Variants in DUS4L observed in about 807,000 individuals in gnomAD.
DUS4L encodes dihydrouridine synthase 4 like.
A neutral mutation model predicts 33.8 loss-of-function variants in DUS4L; 31 were observed. That is an observed-to-expected ratio of 0.92 (90% CI 0.69 to 1.24). The LOEUF is 1.24. Among genes scored for constraint, DUS4L ranks in the 50% most tolerant of loss-of-function variants. DUS4L has a pLI of 0.00. For synonymous variants in DUS4L, 103 were observed against 120.3 expected (o/e 0.86, Z 0.94); for missense variants, 368 against 388.6 (o/e 0.95, Z 0.45).
intron 3 of DUS4L, among the ~76,000 whole-genome samples, chr7:107,567,456 A>G (rs894555370): frequency 5.1e-4 from 77 of 152,282 alleles, no homozygotes; most frequent in Non-Finnish European, 1.0e-3. Context: ...GATATTAAAT[A>G]GATATAAGTA....
chr7:107,576,788 A>G (rs1805796796), intron 7 of DUS4L, 196 bp downstream of exon 7: 1 of 523,502 alleles, frequency 1.9e-6, no homozygotes, highest in Non-Finnish European at 3.2e-6. Flanking sequence ...TAACTGGGAT[A>G]AATTAATTCA....
chr7:107,577,566 C>G lies in DUS4L; in HGVS notation c.*6C>G. ...CAGACCATTATGGCATTTGACTAGACTTCCCAAATAATTTTAATATATACT... is the reference window on the plus strand; with the variant it reads ...CAGACCATTATGGCATTTGACTAGAGTTCCCAAATAATTTTAATATATACT... On this transcript the variant is annotated 3_prime_UTR_variant, in exon 8 of 8. Transcript: ENST00000265720. 6.2e-7 allele frequency: 1 copy of G among 1,609,104 alleles called. No individual in the cohort carries two copies. The highest frequency in any genetic ancestry group is 8.5e-7 in the Non-Finnish European group (1 of 1,177,286).
In DUS4L at chr7:107,577,788, C is replaced by T. The variant is rs1805886364; in HGVS notation, c.*228C>T. On this transcript the variant is annotated 3_prime_UTR_variant, in exon 8 of 8. Coordinates refer to ENST00000265720, the MANE Select transcript of DUS4L (RefSeq NM_181581.3). Reference sequence around the variant, plus strand: ...TAAAGAAAACTCCCAGTGGTTCAAACATCCTGATCATCCTAGGCAAACATT... The same window carrying T: ...TAAAGAAAACTCCCAGTGGTTCAAATATCCTGATCATCCTAGGCAAACATT... The T allele has an allele frequency of 5.1e-6, 2 of 395,412 alleles. No homozygotes were observed. Among genetic ancestry groups the T allele is most frequent in the Non-Finnish European group, 9.1e-6 (2 of 218,884 alleles). The allele number at this position is 395,412 out of a possible 1,614,324, so 24.5% of individuals were successfully genotyped here.
chr7:107,575,302 T>A lies in DUS4L; in HGVS notation c.471T>A (p.Ile157=). Residue 157 remains isoleucine, a synonymous_variant, in exon 6 of 8, where the codon ATT becomes ATA. Coordinates refer to ENST00000265720, the MANE Select transcript of DUS4L (RefSeq NM_181581.3). ...QVETPGFSVS[I]KIRIHDDLKR... is the part of the protein sequence containing the mutation. ...AAACCCCTGGATTTTCAGTTTCTATTAAAATAAGGTAAAGACAATATTTCA... is the reference window on the plus strand; with the variant it reads ...AAACCCCTGGATTTTCAGTTTCTATAAAAATAAGGTAAAGACAATATTTCA... 1 of 1,609,648 alleles carries A rather than the reference T, an allele frequency of 6.2e-7. No individual in the cohort carries two copies. Among genetic ancestry groups the A allele is most frequent in the Non-Finnish European group, 8.5e-7 (1 of 1,178,524 alleles).
rs1805939466 is a variant in DUS4L at position 107,578,184 on chromosome 7, G to A, written c.*624G>A. 1.3e-5 allele frequency: 2 copies of A among 152,158 alleles called. No homozygotes were observed. Among genetic ancestry groups the A allele is most frequent in the Admixed American group, 1.3e-4 (2 of 15,284 alleles). 9.4% of individuals were successfully genotyped at this position (152,158 alleles called of 1,614,324 possible). On this transcript the variant is annotated 3_prime_UTR_variant, in exon 8 of 8. Coordinates refer to ENST00000265720, the MANE Select transcript of DUS4L (RefSeq NM_181581.3). ...TTAATTGCAATCTACCATATCTTAA[G>A]TATAGGAAATTTGGTGTCCAACCTG...
chr7:107,568,145 A>G (rs1414852115), intron 3 of DUS4L, among the ~76,000 whole-genome samples: 2 of 152,194 alleles, frequency 1.3e-5, no homozygotes, highest in Admixed American at 6.5e-5. Flanking sequence ...ACAAATACCC[A>G]TGGTTCGTAA....
rs1222772704 is a variant in DUS4L at position 107,576,566 on chromosome 7, A to T, written c.680A>T (p.Asn227Ile). 1 of 1,590,842 alleles carries T rather than the reference A, an allele frequency of 6.3e-7. No homozygotes were observed. Among genetic ancestry groups the T allele is most frequent in the Non-Finnish European group, 8.5e-7 (1 of 1,171,312 alleles). ...GDIRSLKEAE[N>I]VWRITGTDGV... ...ATCAGAAGCTTAAAGGAAGCAGAAA[A>T]TGTGTGGCGGATTACTGGGACAGAT... Residue 227 changes from asparagine to isoleucine, a missense_variant, in exon 7 of 8, where the codon AAT becomes ATT. Physicochemically the swap from Asn to Ile is moderately radical, Grantham distance 149 (BLOSUM62 -3). Coordinates refer to ENST00000265720, the MANE Select transcript of DUS4L (RefSeq NM_181581.3).
At chr7:107,576,623 T>TG (rs3839819) in intron 7 of DUS4L, 31 bp downstream of exon 7, 91 of 1,497,488 alleles carry the variant, frequency 6.1e-5, no homozygotes, top group Non-Finnish European at 7.8e-5. Flanking sequence ...TTCTTTTAAT[T>TG]GGGGGGGGAA....
intron 7 of DUS4L, 73 bp from the exon 8 acceptor site, chr7:107,577,240 T>A: frequency 6.4e-7 from 1 of 1,570,016 alleles, no homozygotes; most frequent in Non-Finnish European, 8.7e-7. Flanking sequence ...ATATACTGTT[T>A]GCTTCATTGA....
At chr7:107,573,666 T>C in intron 4 of DUS4L, 38 bp from the exon 5 acceptor site, 1 of 1,589,570 alleles carries the variant, frequency 6.3e-7, no homozygotes, top group African/African-American at 1.4e-5. Context: ...TGGGGTTTTT[T>C]CCTGTGAATT....
chr7:107,576,384 A>G lies in DUS4L; in HGVS notation c.498A>G (p.Lys166=). 1.9e-6 allele frequency: 3 copies of G among 1,607,010 alleles called. No homozygotes were observed. The highest frequency in any genetic ancestry group is 1.1e-5 in the South Asian group (1 of 88,976). ...SIKIRIHDDL[K]RTVDLCQKAE... ...ATTGTAGGATCCATGATGACCTTAA[A>G]AGAACTGTAGATCTTTGTCAAAAGG... The change falls in exon 7 of 8, where the codon AAA becomes AAG. Residue 166 remains lysine, a synonymous_variant. Transcript: ENST00000265720.
Position 107,565,966 on chromosome 7 carries a change from A to G in DUS4L, c.-21-1084A>G, listed in dbSNP as rs147245237. 5.5e-3 allele frequency among the ~76,000 whole-genome samples: 844 copies of G among 152,214 alleles called. 3 individuals carry two copies. The highest frequency in any genetic ancestry group is 6.7e-3 in the Non-Finnish European group (454 of 68,012). On this transcript the variant is annotated intron_variant, in intron 2 of 7. Coordinates refer to ENST00000265720, the MANE Select transcript of DUS4L (RefSeq NM_181581.3). ...TGCCATTGCGCTTTATTTTTGCCTT[A>G]CTTTGATGTTTAAGATACCTATCCC... is the stretch of plus-strand genomic sequence containing the variant.
At chr7:107,564,399 C>T (rs1804363279) in intron 1 of DUS4L, 189 bp from the exon 2 acceptor site, 2 of 198,282 alleles carry the variant, frequency 1.0e-5, no homozygotes, top group Non-Finnish European at 1.0e-5. Flanking sequence ...ATTGGCACTC[C>T]TGGGGTAATA....
rs1805872416 is a variant in DUS4L, at chr7:107,577,633, C to T, written c.*73C>T. On this transcript the variant is annotated 3_prime_UTR_variant, in exon 8 of 8. Transcript: ENST00000265720. ...AACCACAGAAGGTCATATTTTGTAC[C>T]TTAAACCAGTAGCTCTCAAATTTTA... 1 of 1,474,080 alleles carries T rather than the reference C, an allele frequency of 6.8e-7. No homozygotes were observed. The highest frequency in any genetic ancestry group is 9.1e-7 in the Non-Finnish European group (1 of 1,100,150). The allele number at this position is 1,474,080 out of a possible 1,614,324, so 91.3% of individuals were successfully genotyped here. A position where few individuals can be genotyped will look rare whatever the true frequency, so the allele number is the denominator to read the frequency against.
At position 107,577,650 on chromosome 7, in the gene DUS4L, C is replaced by G; in HGVS notation, c.*90C>G. 3.6e-6 allele frequency: 5 copies of G among 1,377,786 alleles called. No homozygotes were observed. Among genetic ancestry groups the G allele is most frequent in the Non-Finnish European group, 4.9e-6 (5 of 1,025,376 alleles). The allele number at this position is 1,377,786 out of a possible 1,614,324, so 85.3% of individuals were successfully genotyped here. A position where few individuals can be genotyped will look rare whatever the true frequency, so the allele number is the denominator to read the frequency against. ...TTTTGTACCTTAAACCAGTAGCTCT[C>G]AAATTTTAGTATAAAAACAATTCCT... On this transcript the variant is annotated 3_prime_UTR_variant, in exon 8 of 8. Transcript: ENST00000265720.
chr7:107,576,277 T>C (rs113993530), intron 6 of DUS4L, 89 bp from the exon 7 acceptor site: 3 of 1,264,804 alleles, frequency 2.4e-6, no homozygotes, highest in Non-Finnish European at 3.3e-6. Context: ...AGCTAACTAA[T>C]TTGGTAGATG....
At chr7:107,573,905 C>A (rs539419967) in intron 5 of DUS4L, 84 bp downstream of exon 5, 19 of 1,373,406 alleles carry the variant, frequency 1.4e-5, no homozygotes, top group Admixed American at 8.8e-5. Context: ...TTCTAGTTTT[C>A]CAAAAATTAA....
At chr7:107,564,432 G>T (rs1804368902) in intron 1 of DUS4L, 156 bp from the exon 2 acceptor site, 1 of 181,238 alleles carries the variant, frequency 5.5e-6, no homozygotes, top group Non-Finnish European at 1.2e-5. Flanking sequence ...AAATGCTTGG[G>T]AAGAAAAGTT....
In DUS4L at chr7:107,576,442, C is replaced by T; in HGVS notation, c.556C>T (p.His186Tyr). 6.2e-7 allele frequency: 1 copy of T among 1,612,714 alleles called. No individual in the cohort carries two copies. The highest frequency in any genetic ancestry group is 8.5e-7 in the Non-Finnish European group (1 of 1,179,716). The change falls in exon 7 of 8, where the codon CAT becomes TAT. Residue 186 changes from histidine to tyrosine, a missense_variant. By Grantham distance (83) the His-to-Tyr change is moderately conservative. Coordinates refer to ENST00000265720, the MANE Select transcript of DUS4L (RefSeq NM_181581.3). ...AACAGGAGTTTCATGGATTACAGTC[C>T]ATGGAAGAACTGCTGAAGAAAGACA... ...EATGVSWITV[H>Y]GRTAEERHQP...
Sources: gnomAD v4.1 joint callset for allele counts (sites outside exome capture counted in the v4.1 genomes callset) on GRCh38, gnomAD v4.1.1 for gene constraint, MANE v1.5 for transcripts, NCBI Gene and HGNC (gene_info 2026-07-23, HGNC 2026-07-21) for gene names.